The following FGF14 variants were observed in gnomAD, a reference collection of about 807,000 sequenced individuals.
FGF14 encodes the protein fibroblast growth factor 14, also known as fibroblast growth factor homologous factor 4.
In FGF14, 5 loss-of-function variants were observed where a neutral mutation model predicts 25.5. The observed-to-expected ratio is 0.20, with a 90% CI of 0.10 to 0.41. The LOEUF (loss-of-function observed/expected upper bound fraction) is 0.41. Among genes scored for constraint, FGF14 ranks in the 10% least tolerant of loss-of-function variants. The pLI is 1.00. For missense variants in FGF14, 222 were observed against 320.1 expected (o/e 0.69, Z 2.34); for synonymous variants, 138 against 118.3 (o/e 1.17, Z -1.08).
At chr13:102,325,526 C>A (rs903215043) in intron 1 of FGF14, among the ~76,000 whole-genome samples, 1 of 152,160 alleles carries the variant, frequency 6.6e-6, no homozygotes, top group Non-Finnish European at 1.5e-5. Context: ...AAGAGGCATA[C>A]TAACAGGCTG....
At chr13:102,360,886 T>TA (rs1566961850) in intron 1 of FGF14, among the ~76,000 whole-genome samples, 1 of 151,506 alleles carries the variant, frequency 6.6e-6, no homozygotes, top group Non-Finnish European at 1.5e-5. Flanking sequence ...CACACACACA[T>TA]ACACACACAC....
At chr13:102,112,844 T>A (rs1290459497) in intron 1 of FGF14, among the ~76,000 whole-genome samples, 1 of 152,228 alleles carries the variant, frequency 6.6e-6, no homozygotes, top group African/African-American at 2.4e-5. Flanking sequence ...TATAGTTTCA[T>A]CAAGCTTGAG....
chr13:101,770,659 A>G (rs2038710608), intron 3 of FGF14, among the ~76,000 whole-genome samples: 1 of 152,142 alleles, frequency 6.6e-6, no homozygotes, highest in Admixed American at 6.6e-5. Flanking sequence ...AATTCCTGTT[A>G]AAGTGCATAG....
chr13:101,940,729 A>T (rs1054821964), intron 1 of FGF14, among the ~76,000 whole-genome samples: 1 of 152,170 alleles, frequency 6.6e-6, no homozygotes, highest in South Asian at 2.1e-4. Flanking sequence ...TTTTGTCTTT[A>T]TACATTTGAT....
At chr13:102,327,476 T>G (rs190024994) in intron 1 of FGF14, among the ~76,000 whole-genome samples, 2 of 152,254 alleles carry the variant, frequency 1.3e-5, no homozygotes, top group African/African-American at 4.8e-5. Flanking sequence ...ATAAATAGAT[T>G]TGGCCAAATC....
chr13:101,999,959 A>C (rs1231685689), intron 1 of FGF14, among the ~76,000 whole-genome samples: 4 of 152,176 alleles, frequency 2.6e-5, no homozygotes, highest in Non-Finnish European at 4.4e-5. Context: ...GAGATTTAAC[A>C]ATAGGGACTT....
intron 1 of FGF14, among the ~76,000 whole-genome samples, chr13:102,017,709 T>C (rs2040420326): frequency 6.6e-6 from 1 of 152,162 alleles, no homozygotes; most frequent in Admixed American, 6.5e-5. Flanking sequence ...TGTCCTCTGC[T>C]CCATTCTCAT....
intron 1 of FGF14, among the ~76,000 whole-genome samples, chr13:102,248,040 G>A (rs546351760): frequency 2.4e-4 from 36 of 152,194 alleles, no homozygotes; most frequent in African/African-American, 8.7e-4. Flanking sequence ...ACTAAATGAC[G>A]AGAACACATG....
chr13:101,891,483 T>C lies in FGF14; in HGVS notation c.194-16187A>G, dbSNP rs144518649. Among the ~76,000 whole-genome samples the C allele has an allele frequency of 2.5e-3, 374 of 152,310 alleles. 4 individuals are homozygous for C. The highest frequency in any genetic ancestry group is 8.5e-3 in the African/African-American group (354 of 41,570). ...TCATAGTCTGCTCTGTATCTTCCCA[T>C]ATGCAGTCACCATGCTGGTTGTAAT... On this transcript the variant is annotated intron_variant, in intron 1 of 4. Transcript: ENST00000376143.
rs2034850852 is a variant in FGF14, at chr13:101,719,552, A to ATGTT, written c.*3275_*3278dup. ...TTTTTCCAAGTAAAGTGGTAGCAAA[A>ATGTT]TGTTTTAAAAAGCAATCTTATATTA... On this transcript the variant is annotated 3_prime_UTR_variant, in exon 5 of 5. Transcript: ENST00000376143. 6.6e-6 allele frequency: 1 copy of ATGTT among 152,090 alleles called. No individual in the cohort carries two copies. The highest frequency in any genetic ancestry group is 2.4e-5 in the African/African-American group (1 of 41,432). The allele number at this position is 152,090 out of a possible 1,614,324, so 9.4% of individuals were successfully genotyped here.
At chr13:102,216,636 A>G (rs1326182320) in intron 1 of FGF14, among the ~76,000 whole-genome samples, 1 of 152,196 alleles carries the variant, frequency 6.6e-6, no homozygotes, top group Non-Finnish European at 1.5e-5. Context: ...GCATATCCTT[A>G]AACACTTATT....
chr13:101,921,956 A>T (rs571088984), intron 1 of FGF14, among the ~76,000 whole-genome samples: 2 of 152,272 alleles, frequency 1.3e-5, no homozygotes, highest in East Asian at 1.9e-4. Context: ...AACTTTTAAA[A>T]TTTCCATGTA....
intron 1 of FGF14, among the ~76,000 whole-genome samples, chr13:102,213,769 G>C (rs1165192867): frequency 1.3e-5 from 2 of 152,150 alleles, no homozygotes; most frequent in African/African-American, 4.8e-5. Context: ...CAAGCCAAGT[G>C]AGAAAACACT....
intron 1 of FGF14, among the ~76,000 whole-genome samples, chr13:102,131,073 T>C (rs1400726415): frequency 6.6e-6 from 1 of 152,104 alleles, no homozygotes; most frequent in Non-Finnish European, 1.5e-5. Context: ...TAATTGAAAT[T>C]AAAAGCAAAA....
intron 1 of FGF14, among the ~76,000 whole-genome samples, chr13:102,261,987 G>A (rs2052741448): frequency 6.6e-6 from 1 of 152,114 alleles, no homozygotes; most frequent in Non-Finnish European, 1.5e-5. Flanking sequence ...GTTTGGCTAA[G>A]TGACTCTTCC....
chr13:102,043,144 C>T (rs1209039834), intron 1 of FGF14, among the ~76,000 whole-genome samples: 1 of 152,198 alleles, frequency 6.6e-6, no homozygotes, highest in Non-Finnish European at 1.5e-5. Context: ...CTCTTTTAAT[C>T]TGTCATGTCC....
chr13:102,261,607 A>G (rs540566717), intron 1 of FGF14, among the ~76,000 whole-genome samples: 19 of 152,366 alleles, frequency 1.2e-4, no homozygotes, highest in African/African-American at 4.3e-4. Flanking sequence ...ATGACTAAAT[A>G]GTTCCTTTCT....
Position 101,888,229 on chromosome 13 carries a change from GA to G in FGF14, c.194-12934del, listed in dbSNP as rs374531799. ...TTTTCTCAGCTTTTTCTCAAGAAGTGACCCATCGGAGTCACATTTTAGAGAA... is the reference window on the plus strand; with the variant it reads ...TTTTCTCAGCTTTTTCTCAAGAAGTGCCCATCGGAGTCACATTTTAGAGAA... On this transcript the variant is annotated intron_variant, in intron 1 of 4. Transcript: ENST00000376143. 3.3e-5 allele frequency among the ~76,000 whole-genome samples: 5 copies of G among 152,228 alleles called. No homozygotes were observed. In the East Asian group the frequency reaches 9.6e-4, roughly 29 times the overall value.
chr13:102,159,306 C>T (rs1594204845), intron 1 of FGF14, among the ~76,000 whole-genome samples: 1 of 152,230 alleles, frequency 6.6e-6, no homozygotes, highest in South Asian at 2.1e-4. Flanking sequence ...TAACCTGCTG[C>T]CACCCAGCAA....
Sources: allele counts gnomAD v4.1 joint callset (sites outside exome capture counted in the v4.1 genomes callset), GRCh38; gene constraint gnomAD v4.1.1; transcripts MANE v1.5; gene names NCBI Gene and HGNC (gene_info 2026-07-23, HGNC 2026-07-21).